The following CTNNA2 variants were observed in gnomAD, a reference collection of about 807,000 sequenced individuals.
CTNNA2 encodes the protein catenin alpha-2.
A neutral mutation model predicts 101.0 loss-of-function variants in CTNNA2; 42 were observed. The observed-to-expected ratio is 0.42, with a 90% CI of 0.32 to 0.54. The LOEUF (loss-of-function observed/expected upper bound fraction) is 0.54. CTNNA2 is among the 20% of genes least tolerant of loss of function. The pLI, the probability that CTNNA2 is intolerant of heterozygous loss-of-function variation, is 0.14. For synonymous variants in CTNNA2, 450 were observed against 456.4 expected, an observed-to-expected ratio of 0.99 and a Z score of 0.18; for missense variants, 871 against 1,223.1, an observed-to-expected ratio of 0.71 and a Z score of 4.29.
chr2:79,465,492 A>G (rs1025218352), intron 4 of CTNNA2, among the ~76,000 whole-genome samples: 1 of 152,160 alleles, frequency 6.6e-6, no homozygotes, highest in Admixed American at 6.5e-5. Context: ...TATGAAATTT[A>G]AAGTATTTTT....
chr2:80,308,027 T>G (rs1253315633), intron 7 of CTNNA2, among the ~76,000 whole-genome samples: 1 of 152,234 alleles, frequency 6.6e-6, no homozygotes, highest in Admixed American at 6.5e-5. Flanking sequence ...GCCAGAAGTA[T>G]AGCTTGACGG....
chr2:79,681,757 A>C (rs1262800625), intron 2 of CTNNA2, among the ~76,000 whole-genome samples: 1 of 152,224 alleles, frequency 6.6e-6, no homozygotes, highest in Admixed American at 6.5e-5. Flanking sequence ...CATGCAAATG[A>C]GCAGACTTAT....
intron 7 of CTNNA2, 25 bp downstream of exon 7, chr2:79,909,822 A>G (rs751936084): frequency 7.0e-6 from 11 of 1,568,334 alleles, no homozygotes; most frequent in Admixed American, 1.8e-5. Flanking sequence ...CTCCATTCTC[A>G]TGTCTTGGTG....
chr2:80,493,030 G>A (rs981305839), intron 9 of CTNNA2, among the ~76,000 whole-genome samples: 8 of 152,174 alleles, frequency 5.3e-5, no homozygotes, highest in African/African-American at 1.7e-4. Flanking sequence ...ATGGTACATA[G>A]CAGCTGAAAG....
At chr2:79,805,173 C>T (rs1355142556) in intron 3 of CTNNA2, among the ~76,000 whole-genome samples, 10 of 152,104 alleles carry the variant, frequency 6.6e-5, no homozygotes, top group South Asian at 2.1e-4. Context: ...GAGAATGAGT[C>T]CCCTGTCCCA....
chr2:80,135,412 C>T (rs1299035047), intron 7 of CTNNA2, among the ~76,000 whole-genome samples: 16 of 152,126 alleles, frequency 1.1e-4, no homozygotes, highest in African/African-American at 3.6e-4. Context: ...CCTTCTTTGT[C>T]GTAGAGTTTT....
chr2:79,416,149 A>G (rs1678477545), intron 4 of CTNNA2, among the ~76,000 whole-genome samples: 1 of 151,704 alleles, frequency 6.6e-6, no homozygotes, highest in Non-Finnish European at 1.5e-5. Flanking sequence ...ACCTTCCTCA[A>G]TGTACTGACT....
intron 9 of CTNNA2, among the ~76,000 whole-genome samples, chr2:80,539,412 CA>C (rs70940083): frequency 0.025 from 3,141 of 123,324 alleles, 36 homozygotes; most frequent in African/African-American, 0.033. Context: ...CCAGAAGAGC[CA>C]AAAAAAAAAA....
intron 4 of CTNNA2, among the ~76,000 whole-genome samples, chr2:79,414,584 C>T (rs187740894): frequency 3.3e-4 from 50 of 152,120 alleles, no homozygotes; most frequent in African/African-American, 9.2e-4. Context: ...CAGATGCTCC[C>T]GTTGAGTAGG....
intron 7 of CTNNA2, among the ~76,000 whole-genome samples, chr2:80,010,291 T>C (rs1382197886): frequency 6.6e-6 from 1 of 152,164 alleles, no homozygotes; most frequent in Non-Finnish European, 1.5e-5. Flanking sequence ...CCTCATTAAC[T>C]ATTCTGTAGG....
chr2:80,511,590 T>G (rs927651025), intron 9 of CTNNA2, among the ~76,000 whole-genome samples: 4 of 152,154 alleles, frequency 2.6e-5, no homozygotes, highest in Non-Finnish European at 5.9e-5. Context: ...ATTGTCAAAA[T>G]CCTTGAATCT....
chr2:80,181,575 G>A (rs947747779), intron 7 of CTNNA2, among the ~76,000 whole-genome samples: 4 of 152,166 alleles, frequency 2.6e-5, no homozygotes, highest in Admixed American at 6.5e-5. Flanking sequence ...CTCTACAGGA[G>A]ATAAGACTCA....
At chr2:80,296,034 T>C (rs1054925545) in intron 7 of CTNNA2, among the ~76,000 whole-genome samples, 1 of 152,194 alleles carries the variant, frequency 6.6e-6, no homozygotes, top group African/African-American at 2.4e-5. Flanking sequence ...CACATTGATT[T>C]TTTTCTAGCT....
intron 3 of CTNNA2, among the ~76,000 whole-genome samples, chr2:79,778,912 G>T (rs1376788375): frequency 6.6e-6 from 1 of 152,186 alleles, no homozygotes; most frequent in Non-Finnish European, 1.5e-5. Context: ...ATCATTCTTA[G>T]TTTGCAGGCA....
chr2:79,753,831 A>G (rs1474010606), intron 3 of CTNNA2, among the ~76,000 whole-genome samples: 1 of 150,922 alleles, frequency 6.6e-6, no homozygotes, highest in Non-Finnish European at 1.5e-5. Flanking sequence ...ATATGGTGAT[A>G]TCAACAAGTT....
Position 80,303,608 on chromosome 2 carries a change from G to T in CTNNA2, c.1057-89603G>T. On this transcript the variant is annotated intron_variant, in intron 7 of 18. Transcript: ENST00000402739. The surrounding 1 kb of genome is among the most constrained non-coding windows in gnomAD (Gnocchi z 7.7). ...CTCCGAGAGGCTGTTGTAGCGCAGG[G>T]ACAAGCCCAGCAGGCCGGACAGGTT... 1 of 1,614,140 alleles carries T rather than the reference G, an allele frequency of 6.2e-7. No individual in the cohort carries two copies. The highest frequency in any genetic ancestry group is 8.5e-7 in the Non-Finnish European group (1 of 1,180,020).
chr2:80,075,601 T>C lies in CTNNA2; in HGVS notation c.1056+165804T>C, dbSNP rs1011205928. On this transcript the variant is annotated intron_variant, in intron 7 of 18. Transcript: ENST00000402739. Reference sequence around the variant, plus strand: ...ATATTTATACATGTATAAATATAAATATTTATACATGTATAAATATAAATA... The same window carrying C: ...ATATTTATACATGTATAAATATAAACATTTATACATGTATAAATATAAATA... Among the ~76,000 whole-genome samples the C allele has an allele frequency of 6.4e-5, 7 of 108,528 alleles. 1 individual carries two copies. Among genetic ancestry groups the C allele is most frequent in the Non-Finnish European group, 1.1e-4 (6 of 56,338 alleles). 71.2% of individuals were successfully genotyped at this position (108,528 alleles called of 152,430 possible).
In CTNNA2 at chr2:80,638,073, G is replaced by A. The variant is rs75209291; in HGVS notation, c.2575-9512G>A. 7.7e-3 allele frequency among the ~76,000 whole-genome samples: 1,169 copies of A among 152,232 alleles called. 12 individuals carry two copies. Among genetic ancestry groups the A allele is most frequent in the African/African-American group, 0.025 (1,035 of 41,552 alleles). On this transcript the variant is annotated intron_variant, in intron 18 of 18. Coordinates refer to ENST00000402739, the MANE Select transcript of CTNNA2 (RefSeq NM_001282597.3). ...ATTGTTCCTCTTACATTTGTCTTCTGGTCATGATGATATCACCTAGGGAGG... is the reference window on the plus strand; with the variant it reads ...ATTGTTCCTCTTACATTTGTCTTCTAGTCATGATGATATCACCTAGGGAGG...
intron 7 of CTNNA2, among the ~76,000 whole-genome samples, chr2:80,022,870 C>T (rs969178112): frequency 6.6e-6 from 1 of 152,066 alleles, no homozygotes; most frequent in African/African-American, 2.4e-5. Flanking sequence ...AATGACAAAG[C>T]CTTGAAGGAT....
Sources: allele counts gnomAD v4.1 joint callset (sites outside exome capture counted in the v4.1 genomes callset), GRCh38; gene constraint gnomAD v4.1.1; non-coding constraint Gnocchi (gnomAD v3.1); transcripts MANE v1.5; gene names NCBI Gene and HGNC (gene_info 2026-07-23, HGNC 2026-07-21).